The following AGAP1 variants were observed in gnomAD, a reference collection of about 807,000 sequenced individuals.
The protein encoded by AGAP1 is ArfGAP with GTPase domain, ankyrin repeat and PH domain 1, also known as arf-GAP with GTPase, ANK repeat and PH domain-containing protein 1.
AGAP1 carries 29 observed loss-of-function variants against 105.3 expected under a neutral mutation model. The ratio of observed to expected loss-of-function variants is 0.28; its 90% confidence interval spans 0.21 to 0.38. AGAP1 has a LOEUF of 0.38. Ranked by LOEUF, AGAP1 falls within the 10% of genes least tolerant of loss-of-function variation. The pLI, the probability that AGAP1 is intolerant of heterozygous loss-of-function variation, is 1.00. For synonymous variants in AGAP1, 509 were observed against 485.9 expected (o/e 1.05, Z -0.63); for missense variants, 998 against 1,165.1 (o/e 0.86, Z 2.09).
intron 16 of AGAP1, among the ~76,000 whole-genome samples, chr2:236,063,963 T>C (rs1196865999): frequency 6.6e-6 from 1 of 152,184 alleles, no homozygotes; most frequent in Admixed American, 6.5e-5. Flanking sequence ...CTAATACAAA[T>C]GACCCTGGAG....
chr2:235,560,844 A>ACCTC (rs1944126383), intron 1 of AGAP1, among the ~76,000 whole-genome samples: 1 of 151,982 alleles, frequency 6.6e-6, no homozygotes, highest in South Asian at 2.1e-4. Context: ...AGATGAGTGC[A>ACCTC]CCTCCCCTTT....
chr2:235,932,317 G>C (rs2052763883), intron 12 of AGAP1, among the ~76,000 whole-genome samples: 1 of 152,204 alleles, frequency 6.6e-6, no homozygotes, highest in South Asian at 2.1e-4. Flanking sequence ...TTACGTAGAA[G>C]TTAGGCATGT....
At position 235,959,192 on chromosome 2, in the gene AGAP1, C is replaced by T. The variant is rs1188882815; in HGVS notation, c.1484-9270C>T. ...GACAGTAGTCGTCTGTCCCGGTGCCCGGTAATTGATACAAAATAAAATGCA... is the reference window on the plus strand; with the variant it reads ...GACAGTAGTCGTCTGTCCCGGTGCCTGGTAATTGATACAAAATAAAATGCA... On this transcript the variant is annotated intron_variant, in intron 12 of 17. Transcript: ENST00000304032. The surrounding 1 kb of genome is among the most constrained non-coding windows in gnomAD (Gnocchi z 7.3). Among the ~76,000 whole-genome samples, 1 of 152,166 alleles carries T rather than the reference C, an allele frequency of 6.6e-6. No homozygotes were observed. Among genetic ancestry groups the T allele is most frequent in the Non-Finnish European group, 1.5e-5 (1 of 68,038 alleles).
chr2:235,630,038 T>C (rs1946776648), intron 1 of AGAP1, among the ~76,000 whole-genome samples: 1 of 152,122 alleles, frequency 6.6e-6, no homozygotes. Context: ...TGATTACATT[T>C]AATTTTTTTT....
At chr2:235,531,250 A>G (rs1005236043) in intron 1 of AGAP1, among the ~76,000 whole-genome samples, 1 of 152,142 alleles carries the variant, frequency 6.6e-6, no homozygotes, top group Non-Finnish European at 1.5e-5. Context: ...GCAGTTCATG[A>G]GATGACTGGC....
At chr2:235,589,592 C>A (rs1345705193) in intron 1 of AGAP1, among the ~76,000 whole-genome samples, 6 of 152,110 alleles carry the variant, frequency 3.9e-5, no homozygotes, top group Non-Finnish European at 7.4e-5. Context: ...GGCAGGAGGA[C>A]CATGTCCGCT....
At chr2:235,897,142 G>C (rs143968033) in intron 10 of AGAP1, among the ~76,000 whole-genome samples, 1 of 152,118 alleles carries the variant, frequency 6.6e-6, no homozygotes, top group African/African-American at 2.4e-5. Context: ...GAGTGCTGTG[G>C]CGTGATCTCA....
chr2:235,680,234 C>A (rs938797630), intron 1 of AGAP1, among the ~76,000 whole-genome samples: 1 of 152,164 alleles, frequency 6.6e-6, no homozygotes. Flanking sequence ...GTAAAATCTG[C>A]TTTGTCCGTG....
chr2:235,563,279 GC>G (rs1014700443), intron 1 of AGAP1, among the ~76,000 whole-genome samples: 5 of 151,998 alleles, frequency 3.3e-5, no homozygotes, highest in African/African-American at 1.2e-4. Context: ...TTTCCGTCCT[GC>G]CCCCCTTTGC....
At chr2:236,052,321 C>G (rs963261315) in intron 16 of AGAP1, among the ~76,000 whole-genome samples, 7 of 152,202 alleles carry the variant, frequency 4.6e-5, no homozygotes, top group Admixed American at 2.0e-4. Context: ...GCCCCCACCC[C>G]CAAACACACA....
chr2:235,563,195 G>C (rs561579787), intron 1 of AGAP1, among the ~76,000 whole-genome samples: 1 of 152,138 alleles, frequency 6.6e-6, no homozygotes, highest in Non-Finnish European at 1.5e-5. Context: ...CTCATGCCTC[G>C]CACCCTCCGA....
chr2:235,848,829 G>A (rs1961822795), intron 9 of AGAP1, among the ~76,000 whole-genome samples: 1 of 152,296 alleles, frequency 6.6e-6, no homozygotes, highest in Middle Eastern at 3.4e-3. Context: ...TTTGGGCTCT[G>A]AATGCTTTTC....
rs1219753022 is a variant in AGAP1, at chr2:235,754,850, C to T, written c.673+4362C>T. On this transcript the variant is annotated intron_variant, in intron 6 of 17. Coordinates refer to ENST00000304032, the MANE Select transcript of AGAP1 (RefSeq NM_001037131.3). The surrounding 1 kb of genome is among the most constrained non-coding windows in gnomAD (Gnocchi z 4.6). The stretch of plus-strand genomic sequence containing the variant: ...AAGGTCCACTAGGGAGGGTAAACAT[C>T]AAACGGTCACCCAGAAACATGACCT... 6.6e-6 allele frequency among the ~76,000 whole-genome samples: 1 copy of T among 152,212 alleles called. No homozygotes were observed. Among genetic ancestry groups the T allele is most frequent in the Non-Finnish European group, 1.5e-5 (1 of 68,038 alleles).
rs926048475 is a variant in AGAP1, at chr2:235,750,966, C to T, written c.673+478C>T. 8.5e-5 allele frequency among the ~76,000 whole-genome samples: 13 copies of T among 152,134 alleles called. No individual in the cohort carries two copies. The highest frequency in any genetic ancestry group is 1.9e-4 in the East Asian group (1 of 5,188). ...CCACCAAAAAAATAATAAAATGACA[C>T]GATACCACTCACAGCAGAGGGTGAG... On this transcript the variant is annotated intron_variant, in intron 6 of 17. Coordinates refer to ENST00000304032, the MANE Select transcript of AGAP1 (RefSeq NM_001037131.3). The surrounding 1 kb of genome is among the most constrained non-coding windows in gnomAD (Gnocchi z 5.3).
At position 235,879,330 on chromosome 2, in the gene AGAP1, A is replaced by G. The variant is rs547731875; in HGVS notation, c.1051-4015A>G. 6.6e-6 allele frequency among the ~76,000 whole-genome samples: 1 copy of G among 152,336 alleles called. No individual in the cohort carries two copies. Among genetic ancestry groups the G allele is most frequent in the East Asian group, 1.9e-4 (1 of 5,172 alleles). ...ACAGCCATGACATGGCAAGCGGGGCAGCCAAGTGGCTCTTGGTCGCCACAG... is the reference window on the plus strand; with the variant it reads ...ACAGCCATGACATGGCAAGCGGGGCGGCCAAGTGGCTCTTGGTCGCCACAG... On this transcript the variant is annotated intron_variant, in intron 9 of 17. Coordinates refer to ENST00000304032, the MANE Select transcript of AGAP1 (RefSeq NM_001037131.3). This position sits in a 1 kb window ranked among gnomAD's most constrained non-coding sequence, Gnocchi z 5.0.
In AGAP1 at chr2:235,754,508, A is replaced by T. The variant is rs1953748750; in HGVS notation, c.673+4020A>T. Among the ~76,000 whole-genome samples, 1 of 152,102 alleles carries T rather than the reference A, an allele frequency of 6.6e-6. No homozygotes were observed. Among genetic ancestry groups the T allele is most frequent in the Non-Finnish European group, 1.5e-5 (1 of 68,034 alleles). ...TTGGCTCTGTACCGAGGTTCATTTA[A>T]AAGGCCAGGGACCTCATTCTTTCTT... On this transcript the variant is annotated intron_variant, in intron 6 of 17. Transcript: ENST00000304032. The surrounding 1 kb of genome is among the most constrained non-coding windows in gnomAD (Gnocchi z 4.6).
intron 2 of AGAP1, among the ~76,000 whole-genome samples, chr2:235,715,392 C>T (rs888938052): frequency 1.3e-5 from 2 of 152,116 alleles, no homozygotes; most frequent in Admixed American, 6.6e-5. Context: ...TCACCAGCCA[C>T]TGTCAAGGCT....
chr2:236,024,496 A>G lies in AGAP1; in HGVS notation c.1646-12065A>G, dbSNP rs1430819811. ...TCCCTCCTTCCCTCCCCTCGCACCC[A>G]CTTCTCCCCCATGCATCCTTGTCAG... On this transcript the variant is annotated intron_variant, in intron 13 of 17. Transcript: ENST00000304032. 2.6e-5 allele frequency among the ~76,000 whole-genome samples: 4 copies of G among 151,736 alleles called. No homozygotes were observed. The East Asian group carries it at 5.8e-4, about 22-fold the overall frequency.
rs564260267 is a variant in AGAP1 at position 235,777,424 on chromosome 2, G to T, written c.674-20335G>T. The stretch of plus-strand genomic sequence containing the variant: ...AACCAGCAGACATGGGACAGAAGAA[G>T]AATTACAGGTGTGAAGCGCCCGTGT... On this transcript the variant is annotated intron_variant, in intron 6 of 17. Coordinates refer to ENST00000304032, the MANE Select transcript of AGAP1 (RefSeq NM_001037131.3). The surrounding 1 kb of genome is among the most constrained non-coding windows in gnomAD (Gnocchi z 5.1). Among the ~76,000 whole-genome samples the T allele has an allele frequency of 2.0e-5, 3 of 152,218 alleles. No homozygotes were observed. The East Asian group carries it at 5.8e-4, about 29-fold the overall frequency.
Sources: gnomAD v4.1 joint callset for allele counts (sites outside exome capture counted in the v4.1 genomes callset) on GRCh38, gnomAD v4.1.1 for gene constraint, Gnocchi (gnomAD v3.1) non-coding constraint, MANE v1.5 for transcripts, NCBI Gene and HGNC (gene_info 2026-07-23, HGNC 2026-07-21) for gene names.